CPM: variants seen among roughly 807,000 people sequenced by gnomAD.
The protein encoded by CPM is carboxypeptidase M.
CPM carries 35 observed loss-of-function variants against 46.4 expected under a neutral mutation model. The ratio of observed to expected loss-of-function variants is 0.75; its 90% CI spans 0.58 to 1.00. The LOEUF is 1.00. Ranked by LOEUF, CPM falls within the 50% of genes least tolerant of loss-of-function variation. The pLI, the probability that CPM is intolerant of heterozygous loss-of-function variation, is 0.00. For synonymous variants in CPM, 195 were observed against 195.3 expected (o/e 1.00, Z 0.01); for missense variants, 422 against 530.4 (o/e 0.80, Z 2.01).
intron 2 of CPM, among the ~76,000 whole-genome samples, chr12:68,886,325 AAAC>A (rs1592661571): frequency 2.3e-5 from 2 of 86,470 alleles, no homozygotes; most frequent in South Asian, 4.3e-4. Flanking sequence ...AAAGAAAAAA[AAAC>A]AACAGCAATA....
chr12:68,905,984 T>C (rs561533890), intron 2 of CPM, among the ~76,000 whole-genome samples: 1 of 152,322 alleles, frequency 6.6e-6, no homozygotes, highest in Non-Finnish European at 1.5e-5. Flanking sequence ...CATTGTTTCT[T>C]GGCCTTGCTG....
chr12:68,851,157 A>G (rs1312521246), downstream of CPM: 2 of 152,578 alleles, frequency 1.3e-5, no homozygotes, highest in East Asian at 3.8e-4. Flanking sequence ...CAGGTAACAT[A>G]ATGGGAAAAA....
At chr12:68,887,539 A>T (rs1245801607) in intron 2 of CPM, among the ~76,000 whole-genome samples, 1 of 152,244 alleles carries the variant, frequency 6.6e-6, no homozygotes, top group Admixed American at 6.5e-5. Flanking sequence ...AGGAGTTCTC[A>T]GAAAACACCC....
chr12:68,919,503 T>C (rs558542530), intron 2 of CPM, among the ~76,000 whole-genome samples: 3 of 152,366 alleles, frequency 2.0e-5, no homozygotes, highest in Admixed American at 2.0e-4. Flanking sequence ...AAGAATTATT[T>C]GACCAAAGAG....
chr12:68,904,414 T>C (rs1027388318), intron 2 of CPM, among the ~76,000 whole-genome samples: 1 of 152,186 alleles, frequency 6.6e-6, no homozygotes, highest in Non-Finnish European at 1.5e-5. Flanking sequence ...TGTGCATCTA[T>C]TTACCTCAAA....
At chr12:68,919,637 G>A (rs1592695799) in intron 2 of CPM, among the ~76,000 whole-genome samples, 1 of 152,278 alleles carries the variant, frequency 6.6e-6, no homozygotes, top group Non-Finnish European at 1.5e-5. Flanking sequence ...CTTACAACTC[G>A]AAAGATGGCC....
chr12:68,879,049 G>A (rs1266693338), intron 3 of CPM, among the ~76,000 whole-genome samples: 3 of 152,150 alleles, frequency 2.0e-5, no homozygotes, highest in Non-Finnish European at 4.4e-5. Flanking sequence ...TTAGCCTGGT[G>A]TGGTGGCACA....
chr12:68,864,815 T>TGGA (rs1885362145), intron 7 of CPM, among the ~76,000 whole-genome samples: 4 of 152,008 alleles, frequency 2.6e-5, no homozygotes, highest in African/African-American at 9.7e-5. Context: ...AGTTTGGGAC[T>TGGA]CACCTGGACA....
chr12:68,933,751 C>T (rs1334423098), upstream of CPM, among the ~76,000 whole-genome samples: 1 of 152,176 alleles, frequency 6.6e-6, no homozygotes, highest in African/African-American at 2.4e-5. Context: ...AGAACGCGCG[C>T]GTGTGTGGAA....
Position 68,943,879 on chromosome 12 carries a change from T to A in CPM, c.-3-11039A>T, listed in dbSNP as rs537587243. ...AAACCATTTCTGGATTTTTTTTTTT[T>A]TAAAAACTGTATATTTGAGAAAGAA... On this transcript the variant is annotated intron_variant, in intron 1 of 8. Transcript: ENST00000546373. Among the ~76,000 whole-genome samples, 25 of 152,054 alleles carry A rather than the reference T, an allele frequency of 1.6e-4. No homozygotes were observed. The East Asian group carries it at 2.5e-3, about 15-fold the overall frequency.
chr12:68,844,261 A>G (rs1884069654), intron 5 of CPM: 1 of 216,360 alleles, frequency 4.6e-6, no homozygotes, highest in African/African-American at 2.3e-5. Flanking sequence ...ATATTTGGGT[A>G]ACAAAAGGCA....
intron 7 of CPM, among the ~76,000 whole-genome samples, chr12:68,860,579 G>A (rs775218736): frequency 6.6e-6 from 1 of 152,026 alleles, no homozygotes; most frequent in Non-Finnish European, 1.5e-5. Flanking sequence ...ACAGGTGTGA[G>A]GCACCACACT....
chr12:68,908,634 A>G (rs1461139142), intron 2 of CPM, among the ~76,000 whole-genome samples: 3 of 152,210 alleles, frequency 2.0e-5, no homozygotes, highest in Non-Finnish European at 4.4e-5. Flanking sequence ...TAGATTCCAG[A>G]TGGAGTTAGG....
chr12:68,937,121 A>G (rs1232363982), upstream of CPM, among the ~76,000 whole-genome samples: 1 of 152,236 alleles, frequency 6.6e-6, no homozygotes, highest in Non-Finnish European at 1.5e-5. Context: ...ATCTTTCTGG[A>G]GGGAAATCTG....
At chr12:68,869,891 G>GT (rs34215977) in intron 5 of CPM, among the ~76,000 whole-genome samples, 77,417 of 151,608 alleles carry the variant, frequency 0.51, 20,353 homozygotes, top group Non-Finnish European at 0.58. Flanking sequence ...AAAAAAAAAA[G>GT]TGAGTTGTTC....
chr12:68,880,632 C>T (rs537802557), intron 3 of CPM, among the ~76,000 whole-genome samples: 3 of 152,206 alleles, frequency 2.0e-5, no homozygotes, highest in African/African-American at 7.2e-5. Context: ...GGAGTGGATC[C>T]ACAGCTGGGC....
chr12:68,945,853 T>TC (rs1888838558), intron 1 of CPM, among the ~76,000 whole-genome samples: 1 of 136,714 alleles, frequency 7.3e-6, no homozygotes, highest in Non-Finnish European at 1.6e-5. Context: ...TTTCTTTTTT[T>TC]TTTTTTTTTT....
intron 2 of CPM, among the ~76,000 whole-genome samples, chr12:68,927,320 G>A (rs1228363164): frequency 4.0e-5 from 6 of 151,070 alleles, no homozygotes; most frequent in Admixed American, 6.6e-5. Flanking sequence ...GCCAGTGATG[G>A]TGAGCATTTT....
At chr12:68,919,769 C>A (rs1033322211) in intron 2 of CPM, among the ~76,000 whole-genome samples, 1 of 152,198 alleles carries the variant, frequency 6.6e-6, no homozygotes, top group Non-Finnish European at 1.5e-5. Context: ...CTTATCTCTA[C>A]CACACTAAGA....
Sources: allele counts gnomAD v4.1 joint callset (sites outside exome capture counted in the v4.1 genomes callset), GRCh38; gene constraint gnomAD v4.1.1; transcripts MANE v1.5; gene names NCBI Gene and HGNC (gene_info 2026-07-23, HGNC 2026-07-21).